The following CBLN2 variants were observed in gnomAD, a reference collection of about 807,000 sequenced individuals.
CBLN2 encodes the protein cerebellin-2.
A neutral mutation model predicts 15.0 loss-of-function variants in CBLN2; 7 were observed. The observed-to-expected ratio is 0.47, with a 90% CI of 0.27 to 0.88. The LOEUF (loss-of-function observed/expected upper bound fraction) is 0.88, where lower values mean the gene tolerates loss of function less well. CBLN2 is among the 40% of genes least tolerant of loss of function. CBLN2 has a pLI of 0.14. For missense variants in CBLN2, 242 were observed against 304.5 expected, an observed-to-expected ratio of 0.79 and a Z score of 1.53; for synonymous variants, 149 against 135.2, an observed-to-expected ratio of 1.10 and a Z score of -0.71.
intron 1 of CBLN2, among the ~76,000 whole-genome samples, chr18:72,572,272 T>G (rs556860051): frequency 6.6e-6 from 1 of 152,292 alleles, no homozygotes; most frequent in African/African-American, 2.4e-5. Context: ...ATTTTTTTTT[T>G]TTACAAAAGA....
intron 1 of CBLN2, among the ~76,000 whole-genome samples, chr18:72,634,152 C>T (rs1277629037): frequency 6.6e-6 from 1 of 151,890 alleles, no homozygotes; most frequent in African/African-American, 2.4e-5. Flanking sequence ...TAGACATAAA[C>T]AAAATGTATC....
intron 1 of CBLN2, among the ~76,000 whole-genome samples, chr18:72,582,132 C>T (rs2069410210): frequency 6.6e-6 from 1 of 152,166 alleles, no homozygotes; most frequent in South Asian, 2.1e-4. Flanking sequence ...GAACCATATG[C>T]TTTGAAACTT....
chr18:72,613,252 G>C (rs1002420901), intron 1 of CBLN2, among the ~76,000 whole-genome samples: 2 of 152,104 alleles, frequency 1.3e-5, no homozygotes, highest in Non-Finnish European at 2.9e-5. Flanking sequence ...ATGAATTTAA[G>C]GGGGGCAAAT....
In CBLN2 at chr18:72,635,879, G is replaced by A. The variant is rs567975578; in HGVS notation, c.15+2446C>T. Among the ~76,000 whole-genome samples the A allele has an allele frequency of 2.6e-5, 4 of 152,172 alleles. No individual in the cohort carries two copies. The East Asian group carries it at 7.7e-4, about 29-fold the overall frequency. On this transcript the variant is annotated intron_variant, in intron 1 of 2. Coordinates refer to the CBLN2 transcript ENST00000581073. Reference sequence around the variant, plus strand: ...AATTATCTTCATGCACATCAATGGGGAAGCAAAAATAAAAGACAGTATAAA... The same window carrying A: ...AATTATCTTCATGCACATCAATGGGAAAGCAAAAATAAAAGACAGTATAAA...
At chr18:72,574,852 T>A (rs1599006214) in intron 1 of CBLN2, among the ~76,000 whole-genome samples, 1 of 152,222 alleles carries the variant, frequency 6.6e-6, no homozygotes, top group Admixed American at 6.5e-5. Flanking sequence ...AAGTTCCTAG[T>A]GATAAATTTG....
intron 1 of CBLN2, among the ~76,000 whole-genome samples, chr18:72,630,259 T>C (rs2069766183): frequency 6.6e-6 from 1 of 152,118 alleles, no homozygotes; most frequent in South Asian, 2.1e-4. Flanking sequence ...GAAGCTTAAG[T>C]GGGTCATAGA....
At chr18:72,586,511 A>G (rs17086197) in intron 1 of CBLN2, among the ~76,000 whole-genome samples, 8,655 of 152,260 alleles carry the variant, frequency 0.057, 250 homozygotes, top group East Asian at 0.094. Flanking sequence ...CATGTGGGCT[A>G]GTTTTCTCAA....
intron 1 of CBLN2, among the ~76,000 whole-genome samples, chr18:72,565,674 TGCTACA>T (rs2144899316): frequency 6.6e-6 from 1 of 152,282 alleles, no homozygotes; most frequent in African/African-American, 2.4e-5. Context: ...CAAAGCTTAC[TGCTACA>T]GTAAATCACC....
chr18:72,549,301 C>A (rs1036677728), upstream of CBLN2, among the ~76,000 whole-genome samples: 1 of 152,220 alleles, frequency 6.6e-6, no homozygotes, highest in Non-Finnish European at 1.5e-5. Flanking sequence ...CGTGAGCCAA[C>A]GTGGCCAGCA....
At chr18:72,628,322 C>T (rs1426702578) in intron 1 of CBLN2, among the ~76,000 whole-genome samples, 3 of 152,188 alleles carry the variant, frequency 2.0e-5, no homozygotes, top group Non-Finnish European at 4.4e-5. Flanking sequence ...AGGCTCTGCA[C>T]TGGAGTTTAG....
At chr18:72,630,141 G>T (rs542452919) in intron 1 of CBLN2, among the ~76,000 whole-genome samples, 1 of 152,182 alleles carries the variant, frequency 6.6e-6, no homozygotes, top group Admixed American at 6.5e-5. Flanking sequence ...CTATAAAACT[G>T]TCAATCCCCT....
At chr18:72,607,202 A>G (rs923270542) in intron 1 of CBLN2, among the ~76,000 whole-genome samples, 9 of 152,184 alleles carry the variant, frequency 5.9e-5, no homozygotes, top group Non-Finnish European at 8.8e-5. Context: ...AGGAACCAAC[A>G]CTGCCAACAC....
intron 1 of CBLN2, among the ~76,000 whole-genome samples, chr18:72,564,716 A>G (rs1449688140): frequency 6.6e-6 from 1 of 152,216 alleles, no homozygotes; most frequent in Admixed American, 6.5e-5. Flanking sequence ...AAATGAAGAA[A>G]GGCATAGAAA....
intron 1 of CBLN2, among the ~76,000 whole-genome samples, chr18:72,578,641 T>G (rs1478088509): frequency 6.6e-6 from 1 of 152,226 alleles, no homozygotes; most frequent in East Asian, 1.9e-4. Context: ...TTTATTTGTG[T>G]AAATCCTTAT....
chr18:72,566,196 G>A (rs1358008206), intron 1 of CBLN2, among the ~76,000 whole-genome samples: 2 of 152,114 alleles, frequency 1.3e-5, no homozygotes, highest in African/African-American at 2.4e-5. Context: ...GGAGGGAAGG[G>A]AACACTTGCA....
intron 1 of CBLN2, among the ~76,000 whole-genome samples, chr18:72,585,752 C>A (rs1255672946): frequency 6.6e-6 from 1 of 152,200 alleles, no homozygotes; most frequent in Non-Finnish European, 1.5e-5. Context: ...GCTATTCGTA[C>A]CAATGGACAC....
chr18:72,557,853 G>C (rs966532260), intron 1 of CBLN2, among the ~76,000 whole-genome samples: 1 of 152,080 alleles, frequency 6.6e-6, no homozygotes, highest in Non-Finnish European at 1.5e-5. Context: ...AAGCCACCAC[G>C]GCACATGTTT....
intron 1 of CBLN2, among the ~76,000 whole-genome samples, chr18:72,606,151 A>G (rs553273757): frequency 6.6e-6 from 1 of 152,300 alleles, no homozygotes; most frequent in African/African-American, 2.4e-5. Context: ...GAGAGAATAG[A>G]TATGTTGTTT....
At chr18:72,578,100 C>A (rs574454029) in intron 1 of CBLN2, among the ~76,000 whole-genome samples, 1 of 152,294 alleles carries the variant, frequency 6.6e-6, no homozygotes, top group African/African-American at 2.4e-5. Context: ...TCACTCATTT[C>A]TAAAACAGGG....
Sources: gnomAD v4.1 joint callset for allele counts (sites outside exome capture counted in the v4.1 genomes callset) on GRCh38, gnomAD v4.1.1 for gene constraint, MANE v1.5 for transcripts, NCBI Gene and HGNC (gene_info 2026-07-23, HGNC 2026-07-21) for gene names.